Variants in BMPR1B observed in about 807,000 individuals in gnomAD.
BMPR1B encodes bone morphogenetic protein receptor type 1B.
In BMPR1B, 12 loss-of-function variants were observed where a neutral mutation model predicts 59.1. That is an observed-to-expected ratio of 0.20 (90% CI 0.13 to 0.33). BMPR1B has a LOEUF of 0.33. Ranked by LOEUF, BMPR1B falls within the 10% of genes least tolerant of loss-of-function variation. BMPR1B has a pLI of 1.00. For synonymous variants in BMPR1B, 237 were observed against 207.3 expected (o/e 1.14, Z -1.23); for missense variants, 550 against 610.9 (o/e 0.90, Z 1.05).
chr4:95,038,292 G>A (rs930972090), intron 3 of BMPR1B, among the ~76,000 whole-genome samples: 1 of 152,188 alleles, frequency 6.6e-6, no homozygotes, highest in Non-Finnish European at 1.5e-5. Context: ...GCCAGATCTT[G>A]TGGAGCATTG....
At chr4:94,813,117 T>C (rs1303990736) in intron 1 of BMPR1B, among the ~76,000 whole-genome samples, 2 of 152,062 alleles carry the variant, frequency 1.3e-5, no homozygotes, top group Non-Finnish European at 2.9e-5. Flanking sequence ...TCAGAAATGA[T>C]CTAGGTCATG....
At chr4:94,979,993 A>G (rs528930933) in intron 2 of BMPR1B, among the ~76,000 whole-genome samples, 1 of 152,354 alleles carries the variant, frequency 6.6e-6, no homozygotes, top group East Asian at 1.9e-4. Context: ...GTGAAAACCA[A>G]GGAGCAGAAA....
At chr4:94,796,615 T>G (rs1367854518) in intron 1 of BMPR1B, among the ~76,000 whole-genome samples, 4 of 152,168 alleles carry the variant, frequency 2.6e-5, no homozygotes, top group Non-Finnish European at 5.9e-5. Context: ...TAAGTATTTC[T>G]TGTATATTTT....
intron 2 of BMPR1B, among the ~76,000 whole-genome samples, chr4:94,903,332 T>A (rs144819320): frequency 0.013 from 1,941 of 151,856 alleles, 18 homozygotes; most frequent in Middle Eastern, 0.024. Context: ...CAGAAAAGAA[T>A]GAACTTATTA....
intron 1 of BMPR1B, among the ~76,000 whole-genome samples, chr4:94,815,837 C>T (rs1723989822): frequency 6.6e-6 from 1 of 152,188 alleles, no homozygotes; most frequent in African/African-American, 2.4e-5. Flanking sequence ...CTGTTATACC[C>T]AATTTTTCTC....
intron 1 of BMPR1B, among the ~76,000 whole-genome samples, chr4:94,828,133 TTTCA>T (rs1228908800): frequency 6.6e-6 from 1 of 152,222 alleles, no homozygotes; most frequent in African/African-American, 2.4e-5. Flanking sequence ...AATTTGTGGC[TTTCA>T]TTAATTCAAA....
At chr4:95,082,483 C>G (rs949760742) in intron 3 of BMPR1B, among the ~76,000 whole-genome samples, 1 of 151,978 alleles carries the variant, frequency 6.6e-6, no homozygotes, top group African/African-American at 2.4e-5. Context: ...CCTTACATGG[C>G]AGAGTATTTT....
At chr4:94,901,533 A>G (rs1369199736) in intron 2 of BMPR1B, among the ~76,000 whole-genome samples, 2 of 151,974 alleles carry the variant, frequency 1.3e-5, no homozygotes, top group East Asian at 1.9e-4. Flanking sequence ...GATTTAGACT[A>G]TATTTAACAT....
intron 2 of BMPR1B, among the ~76,000 whole-genome samples, chr4:94,979,791 C>T (rs1307948454): frequency 6.6e-6 from 1 of 152,212 alleles, no homozygotes; most frequent in Non-Finnish European, 1.5e-5. Context: ...CTTGGCCACA[C>T]CAGCTTGGCT....
chr4:95,047,002 A>G (rs539044297), intron 3 of BMPR1B, among the ~76,000 whole-genome samples: 4 of 152,218 alleles, frequency 2.6e-5, no homozygotes, highest in Non-Finnish European at 5.9e-5. Flanking sequence ...TCAACTCTGT[A>G]GTTAGGAGAT....
chr4:95,104,294 T>A (rs1731039061), intron 3 of BMPR1B, 114 bp from the exon 4 acceptor site: 1 of 1,233,400 alleles, frequency 8.1e-7, no homozygotes, highest in Non-Finnish European at 1.1e-6. Context: ...TCTGTTTAAA[T>A]CTTTAAGTAT....
chr4:94,833,010 C>G (rs1038354645), intron 1 of BMPR1B, among the ~76,000 whole-genome samples: 2 of 151,806 alleles, frequency 1.3e-5, no homozygotes, highest in African/African-American at 4.8e-5. Flanking sequence ...GCAACATAGT[C>G]AGACTGTCTC....
intron 2 of BMPR1B, among the ~76,000 whole-genome samples, chr4:94,958,059 A>G (rs572497061): frequency 6.6e-6 from 1 of 152,326 alleles, no homozygotes; most frequent in South Asian, 2.1e-4. Context: ...TCAGCATTCT[A>G]CTGAGAAAGC....
At chr4:94,914,133 G>A (rs1010928032) in intron 2 of BMPR1B, among the ~76,000 whole-genome samples, 1 of 152,044 alleles carries the variant, frequency 6.6e-6, no homozygotes, top group Non-Finnish European at 1.5e-5. Flanking sequence ...GTAGAGATGG[G>A]GAGAAGTGGA....
chr4:94,914,954 T>C (rs1306367817), intron 2 of BMPR1B, among the ~76,000 whole-genome samples: 2 of 152,170 alleles, frequency 1.3e-5, no homozygotes, highest in African/African-American at 2.4e-5. Context: ...TCACTTGTTA[T>C]GGTGCATAAT....
chr4:95,028,581 T>C (rs1724587711), intron 3 of BMPR1B, among the ~76,000 whole-genome samples: 1 of 152,164 alleles, frequency 6.6e-6, no homozygotes, highest in Non-Finnish European at 1.5e-5. Context: ...ATTACCTTAC[T>C]TTAAAACAGT....
At chr4:94,826,834 C>G (rs1724400970) in intron 1 of BMPR1B, among the ~76,000 whole-genome samples, 2 of 151,866 alleles carry the variant, frequency 1.3e-5, no homozygotes, top group Non-Finnish European at 1.5e-5. Context: ...AGTGAAAAAC[C>G]CTACCTTTCC....
intron 3 of BMPR1B, among the ~76,000 whole-genome samples, chr4:95,060,648 T>C (rs1456836047): frequency 5.3e-5 from 8 of 152,180 alleles, no homozygotes; most frequent in Non-Finnish European, 1.0e-4. Flanking sequence ...ATGAAGCGCC[T>C]GGAAATCTGT....
intron 1 of BMPR1B, among the ~76,000 whole-genome samples, chr4:94,780,172 A>G (rs1056348451): frequency 5.9e-5 from 9 of 152,070 alleles, no homozygotes. Flanking sequence ...ATGTCACTTT[A>G]ATATTACTCC....
Sources: allele counts gnomAD v4.1 joint callset (sites outside exome capture counted in the v4.1 genomes callset), GRCh38; gene constraint gnomAD v4.1.1; transcripts MANE v1.5; gene names NCBI Gene and HGNC (gene_info 2026-07-23, HGNC 2026-07-21).